DMBT1: variants seen among roughly 807,000 people sequenced by gnomAD.
The protein encoded by DMBT1 is deleted in malignant brain tumors 1.
DMBT1 carries 198 observed loss-of-function variants against 252.9 expected under a neutral mutation model. That is an observed-to-expected ratio of 0.78 (90% CI 0.70 to 0.88). The LOEUF (loss-of-function observed/expected upper bound fraction) is 0.88. Ranked by LOEUF, DMBT1 falls within the 40% of genes least tolerant of loss-of-function variation. The pLI, the probability that DMBT1 is intolerant of heterozygous loss-of-function variation, is 0.00. For synonymous variants in DMBT1, 990 were observed against 942.7 expected (o/e 1.05, Z -0.92); for missense variants, 2,432 against 2,404.7 (o/e 1.01, Z -0.24).
At chr10:122,565,364 A>G (rs1321593650) in intron 1 of DMBT1, among the ~76,000 whole-genome samples, 2 of 152,310 alleles carry the variant, frequency 1.3e-5, no homozygotes, top group East Asian at 1.9e-4. Flanking sequence ...GACCTCTAAA[A>G]TATATAAAAG....
At position 122,566,459 on chromosome 10, in the gene DMBT1, G is replaced by A. The variant is rs192782073; in HGVS notation, c.91+463G>A. Among the ~76,000 whole-genome samples the A allele has an allele frequency of 1.2e-3, 188 of 151,810 alleles. 1 individual carries two copies. The highest frequency in any genetic ancestry group is 3.9e-3 in the African/African-American group (161 of 41,412). ...CCAGAGTAGCTGGGACTACAGGTGC[G>A]CACCACCACGCCCAGCTAATTTTTG... On this transcript the variant is annotated intron_variant, in intron 2 of 55. Transcript: ENST00000338354.
At chr10:122,642,176 A>AG (rs1844670106) in intron 55 of DMBT1, among the ~76,000 whole-genome samples, 1 of 51,932 alleles carries the variant, frequency 1.9e-5, no homozygotes, top group South Asian at 5.9e-4. Context: ...AGCTACTGTG[A>AG]AAAAAAAAAC....
chr10:122,598,896 G>T lies in DMBT1; in HGVS notation c.3079G>T (p.Ala1027Ser). The T allele has an allele frequency of 6.2e-7, 1 of 1,613,822 alleles. No homozygotes were observed. The highest frequency in any genetic ancestry group is 8.5e-7 in the Non-Finnish European group (1 of 1,179,778). Residue 1027 changes from alanine (A) to serine (S), a missense_variant, in exon 26 of 56, where the codon GCC becomes TCC. Physicochemically the swap from Ala to Ser is moderately conservative, Grantham distance 99. Coordinates refer to ENST00000338354, the MANE Select transcript of DMBT1 (RefSeq NM_001377530.1). ...CGATGACAGCTGGGACACCAATGATGCCAATGTCGTCTGCAGGCAACTGGG... is the reference window on the plus strand; with the variant it reads ...CGATGACAGCTGGGACACCAATGATTCCAATGTCGTCTGCAGGCAACTGGG... ...VCDDSWDTND[A>S]NVVCRQLGCG...
chr10:122,598,161 A>T (rs1343730507), intron 25 of DMBT1, 149 bp downstream of exon 25: 2 of 1,222,038 alleles, frequency 1.6e-6, no homozygotes, highest in East Asian at 2.4e-5. Context: ...GTCTCTGGGG[A>T]CCCAGCTCTG....
intron 47 of DMBT1, 137 bp from the exon 48 acceptor site, chr10:122,630,151 T>C (rs1363782012): frequency 7.4e-7 from 1 of 1,356,142 alleles, no homozygotes; most frequent in African/African-American, 1.4e-5. Flanking sequence ...GGAACACTGA[T>C]GTCCTTTGAC....
At chr10:122,576,006 C>A (rs762047131) in intron 6 of DMBT1, among the ~76,000 whole-genome samples, 3 of 152,170 alleles carry the variant, frequency 2.0e-5, no homozygotes, top group Non-Finnish European at 4.4e-5. Flanking sequence ...CTTAGAGCTG[C>A]AGATACACAT....
In DMBT1 at chr10:122,618,273, C is replaced by A. The variant is rs1184285516; in HGVS notation, c.5148C>A (p.Ser1716Arg). The A allele has an allele frequency of 6.2e-7, 1 of 1,613,830 alleles. No homozygotes were observed. Residue 1716 changes from serine (S) to arginine (R), a missense_variant, in exon 41 of 56, where the codon AGC (serine) becomes AGA (arginine). By Grantham distance (110) the Ser-to-Arg change is moderately radical. Around this residue, in one of 3 missense-constraint regions of DMBT1, gnomAD observed 1,162 missense variants for 1,169.0 expected, o/e 0.99. Coordinates refer to ENST00000338354, the MANE Select transcript of DMBT1 (RefSeq NM_001377530.1). ...CAGGACACGAGTCTTACCTGTGGAG[C>A]TGCCCCCACAATGGCTGGCTCTCCC... ...RCSGHESYLW[S>R]CPHNGWLSHN... is the part of the protein sequence containing the mutation.
Position 122,592,272 on chromosome 10 carries a change from G to A in DMBT1, c.2177G>A (p.Gly726Glu). 6.3e-7 allele frequency: 1 copy of A among 1,586,842 alleles called. No homozygotes were observed. The stretch of plus-strand genomic sequence containing the variant: ...AAAGGGTTCTTGTGTTCCCCTGTAG[G>A]ATCTGAATCCAGTTTGACCCTGAGG... ...STITLPPSTVGSESSLTLRLV... is the reference protein window; with the variant it reads ...STITLPPSTVESESSLTLRLV... Residue 726 changes from glycine to glutamate, a missense_variant and splice_region_variant, in exon 20 of 56, where the codon GGA becomes GAA. Gly to Glu is a moderately conservative substitution (Grantham distance 98). This residue lies in a region of DMBT1 where 1,264 missense variants were observed against 1,082.2 expected (regional missense o/e 1.17). Transcript: ENST00000338354.
At chr10:122,592,150 A>G in intron 19 of DMBT1, 122 bp from the exon 20 acceptor site, 1 of 1,440,436 alleles carries the variant, frequency 6.9e-7, no homozygotes, top group East Asian at 2.4e-5. Context: ...TTGCAGTCGT[A>G]TTCAATCGTG....
intron 9 of DMBT1, among the ~76,000 whole-genome samples, chr10:122,579,220 C>T (rs989839273): frequency 5.3e-5 from 8 of 152,118 alleles, no homozygotes; most frequent in African/African-American, 1.9e-4. Flanking sequence ...ATCTCTGGTA[C>T]TCTGCCAGTC....
intron 55 of DMBT1, among the ~76,000 whole-genome samples, chr10:122,642,513 G>C (rs956923705): frequency 2.6e-5 from 4 of 152,204 alleles, no homozygotes; most frequent in African/African-American, 9.7e-5. Context: ...GCTGAGAGGA[G>C]GTGCCCCAGG....
chr10:122,628,205 A>G (rs902820587), intron 46 of DMBT1, among the ~76,000 whole-genome samples: 1 of 152,274 alleles, frequency 6.6e-6, no homozygotes, highest in South Asian at 2.1e-4. Context: ...ATGTCCATAC[A>G]GAAACTTGTA....
intron 1 of DMBT1, among the ~76,000 whole-genome samples, chr10:122,561,555 TTC>T: frequency 7.5e-6 from 1 of 133,764 alleles, no homozygotes; most frequent in Non-Finnish European, 1.6e-5. Context: ...TGTCTCTCTC[TTC>T]CTGTCTCTCT....
intron 24 of DMBT1, 28 bp from the exon 25 acceptor site, chr10:122,597,946 C>G (rs1216135272): frequency 6.2e-7 from 1 of 1,613,880 alleles, no homozygotes; most frequent in Admixed American, 1.7e-5. Context: ...AACTTTAATT[C>G]TAGCCTTTGT....
chr10:122,588,769 T>G (rs7474970), intron 16 of DMBT1, among the ~76,000 whole-genome samples, 175 bp from the exon 17 acceptor site: 6 of 148,976 alleles, frequency 4.0e-5, no homozygotes, highest in Admixed American at 1.3e-4. Context: ...AGGAGAATAG[T>G]GTATCACCTC....
chr10:122,588,651 G>A (rs1304362028), intron 16 of DMBT1, among the ~76,000 whole-genome samples: 1 of 149,028 alleles, frequency 6.7e-6, no homozygotes, highest in Non-Finnish European at 1.5e-5. Context: ...CTCTGGAGCT[G>A]TGGAGCTCCA....
At chr10:122,600,256 T>G (rs1414902086) in intron 27 of DMBT1, among the ~76,000 whole-genome samples, 163 bp downstream of exon 27, 1 of 150,162 alleles carries the variant, frequency 6.7e-6, no homozygotes, top group Non-Finnish European at 1.5e-5. Flanking sequence ...ACAGCGCTTT[T>G]TAAACACACA....
At position 122,620,292 on chromosome 10, in the gene DMBT1, G is replaced by A. The variant is rs1217574834; in HGVS notation, c.5284+1G>A. The A allele has an allele frequency of 2.5e-6, 4 of 1,613,850 alleles. No individual in the cohort carries two copies. The highest frequency in any genetic ancestry group is 3.4e-6 in the Non-Finnish European group (4 of 1,179,878). Reference sequence around the variant, plus strand: ...ACCAACTTACCGGCATTGACAGTAGGTAAATAATCCTCTCGCCCCTCCCTA... The same window carrying A: ...ACCAACTTACCGGCATTGACAGTAGATAAATAATCCTCTCGCCCCTCCCTA... On this transcript the variant is annotated splice_donor_variant, in intron 43 of 55. Coordinates refer to ENST00000338354, the MANE Select transcript of DMBT1 (RefSeq NM_001377530.1). LOFTEE classifies it high-confidence loss of function.
At chr10:122,574,279 T>A (rs558722481) in intron 6 of DMBT1, among the ~76,000 whole-genome samples, 31 of 152,326 alleles carry the variant, frequency 2.0e-4, no homozygotes, top group Middle Eastern at 3.4e-3. Flanking sequence ...CCCTTGGGTA[T>A]CTCCAGTGAG....
Sources: gnomAD v4.1 joint callset for allele counts (sites outside exome capture counted in the v4.1 genomes callset) on GRCh38, gnomAD v4.1.1 for gene constraint, gnomAD v4.1.1 regional missense constraint, MANE v1.5 for transcripts, NCBI Gene and HGNC (gene_info 2026-07-23, HGNC 2026-07-21) for gene names.